The following ITGB5 variants were observed in gnomAD, a reference collection of about 807,000 sequenced individuals.
ITGB5 encodes integrin subunit beta 5, also known as integrin beta-5.
Under a neutral mutation model 84.8 loss-of-function variants are expected in ITGB5, and 38 were observed. That is an observed-to-expected ratio of 0.45 (90% CI 0.35 to 0.59). The LOEUF is 0.59. Ranked by LOEUF, ITGB5 falls within the 20% of genes least tolerant of loss-of-function variation. ITGB5 has a pLI of 0.01. For synonymous variants in ITGB5, 393 were observed against 414.4 expected (o/e 0.95, Z 0.63); for missense variants, 905 against 1,034.5 (o/e 0.87, Z 1.72).
chr3:124,855,732 T>C (rs2065214194), intron 3 of ITGB5, among the ~76,000 whole-genome samples: 1 of 152,076 alleles, frequency 6.6e-6, no homozygotes, highest in South Asian at 2.1e-4. Context: ...CACGACACCT[T>C]CCGCAAGACA....
At chr3:124,888,109 G>T (rs899476566), upstream of ITGB5, among the ~76,000 whole-genome samples, 1 of 151,860 alleles carries the variant, frequency 6.6e-6, no homozygotes, top group Non-Finnish European at 1.5e-5. Flanking sequence ...AGAGATGGGG[G>T]TCTCGCTGTG....
At position 124,859,420 on chromosome 3, in the gene ITGB5, G is replaced by A. The variant is rs1207158201; in HGVS notation, c.183C>T (p.Thr61=). Reference sequence around the variant, plus strand: ...GGTTTGCCCTCAGATCACACCGAGAGGTGATGGACCGTGGGCTTCCGAAGT... The same window carrying A: ...GGTTTGCCCTCAGATCACACCGAGAAGTGATGGACCGTGGGCTTCCGAAGT... ...KEDFGSPRSI[T]SRCDLRANLV... Residue 61 remains threonine (T), a synonymous_variant, in exon 3 of 15, where the codon ACC becomes ACT. Transcript: ENST00000296181. 6.2e-7 allele frequency: 1 copy of A among 1,613,996 alleles called. No individual in the cohort carries two copies. Among genetic ancestry groups the A allele is most frequent in the African/African-American group, 1.3e-5 (1 of 74,906 alleles).
At chr3:124,835,969 G>A (rs1013361344) in intron 5 of ITGB5, among the ~76,000 whole-genome samples, 2 of 152,122 alleles carry the variant, frequency 1.3e-5, no homozygotes, top group Non-Finnish European at 2.9e-5. Context: ...CAAAGGCCTT[G>A]AGCAAAGGAG....
chr3:124,764,661 CCTT>C (rs1432218479), intron 13 of ITGB5, 104 bp from the exon 14 acceptor site: 6 of 1,139,318 alleles, frequency 5.3e-6, no homozygotes, highest in Admixed American at 2.5e-5. Flanking sequence ...CTTCCAAAGG[CCTT>C]CTCCTCGGCT....
chr3:124,819,122 A>G (rs1315965086), intron 7 of ITGB5, among the ~76,000 whole-genome samples: 2 of 152,188 alleles, frequency 1.3e-5, no homozygotes, highest in Non-Finnish European at 2.9e-5. Flanking sequence ...GTTTCTTTAG[A>G]CGGAACAGAT....
chr3:124,835,526 C>T (rs1338139255), intron 5 of ITGB5, among the ~76,000 whole-genome samples: 1 of 152,210 alleles, frequency 6.6e-6, no homozygotes, highest in African/African-American at 2.4e-5. Context: ...GAAGAGCAGG[C>T]AGCCTGGCGC....
chr3:124,841,697 G>T, intron 4 of ITGB5, 146 bp from the exon 5 acceptor site: 1 of 703,826 alleles, frequency 1.4e-6, no homozygotes, highest in Non-Finnish European at 2.3e-6. Context: ...GCACAGCAGA[G>T]AGAGCAAAGA....
At chr3:124,827,058 C>T (rs1254480515) in intron 5 of ITGB5, among the ~76,000 whole-genome samples, 1 of 152,072 alleles carries the variant, frequency 6.6e-6, no homozygotes, top group Non-Finnish European at 1.5e-5. Flanking sequence ...TTCTGTATTC[C>T]ACGTTTGGGG....
intron 2 of ITGB5, among the ~76,000 whole-genome samples, chr3:124,871,179 C>T (rs575263914): frequency 1.1e-4 from 17 of 151,996 alleles, no homozygotes; most frequent in South Asian, 8.3e-4. Context: ...GTGTGAGCCA[C>T]TGCACACCAG....
In ITGB5 at chr3:124,763,544, C is replaced by T. The variant is rs897627389; in HGVS notation, c.*79G>A. 17 of 848,896 alleles carry T rather than the reference C, an allele frequency of 2.0e-5. No individual in the cohort carries two copies. In the African/African-American group the frequency reaches 2.8e-4, roughly 14 times the overall value. The allele number at this position is 848,896 out of a possible 1,614,324, so 52.6% of individuals were successfully genotyped here. Reference sequence around the variant, plus strand: ...TGGTGCCTACCTAGGGAGCTGTGATCAAGCCGAGCAGCCGTGCAAGGCGTT... The same window carrying T: ...TGGTGCCTACCTAGGGAGCTGTGATTAAGCCGAGCAGCCGTGCAAGGCGTT... On this transcript the variant is annotated 3_prime_UTR_variant, in exon 15 of 15. Transcript: ENST00000296181.
chr3:124,880,478 A>T (rs548727162), intron 1 of ITGB5, among the ~76,000 whole-genome samples: 1 of 152,294 alleles, frequency 6.6e-6, no homozygotes, highest in African/African-American at 2.4e-5. Context: ...GGCCAGGCAC[A>T]CTGGCTCACT....
intron 1 of ITGB5, chr3:124,878,679 G>C (rs1359708076): frequency 6.6e-6 from 1 of 152,180 alleles, no homozygotes; most frequent in Non-Finnish European, 1.5e-5. Flanking sequence ...CAAAACCACA[G>C]GCTGTGTGCT....
rs74908518 is a variant in ITGB5, at chr3:124,876,541, C to T, written c.71-3010G>A. On this transcript the variant is annotated intron_variant, in intron 1 of 14. Transcript: ENST00000296181. ...AGGGGAAGGAAGCTTTATCATGTCA[C>T]CCCAGGGACTTTAGAAGGAAGAAAT... Among the ~76,000 whole-genome samples the T allele has an allele frequency of 4.3e-4, 66 of 152,180 alleles. No individual in the cohort carries two copies. In the East Asian group the frequency reaches 6.4e-3, roughly 15 times the overall value.
intron 11 of ITGB5, among the ~76,000 whole-genome samples, chr3:124,772,755 C>T (rs1008691264): frequency 1.3e-5 from 2 of 152,078 alleles, no homozygotes; most frequent in African/African-American, 2.4e-5. Flanking sequence ...GCCGAGTCAG[C>T]GAAGGCTGGG....
At chr3:124,778,022 T>C (rs2089982) in intron 10 of ITGB5, among the ~76,000 whole-genome samples, 1,998 of 152,268 alleles carry the variant, frequency 0.013, 22 homozygotes, top group South Asian at 0.044. Flanking sequence ...ATCATGGGGA[T>C]TGGGAACAAC....
chr3:124,843,128 G>A (rs1579283249), intron 4 of ITGB5, among the ~76,000 whole-genome samples: 3 of 152,142 alleles, frequency 2.0e-5, no homozygotes, highest in African/African-American at 7.2e-5. Flanking sequence ...CCTCAGCCTC[G>A]GGCCACCCAA....
intron 9 of ITGB5, among the ~76,000 whole-genome samples, chr3:124,798,343 G>A (rs191022483): frequency 5.9e-5 from 9 of 152,090 alleles, no homozygotes; most frequent in Non-Finnish European, 1.2e-4. Flanking sequence ...GAGCTACTGC[G>A]CCCAGTCATT....
At chr3:124,900,709 C>T (rs1462693337) in intron 1 of ITGB5, among the ~76,000 whole-genome samples, 1 of 152,152 alleles carries the variant, frequency 6.6e-6, no homozygotes, top group Non-Finnish European at 1.5e-5. Context: ...CTCGGAGAAC[C>T]CTCAGGGAAA....
intron 3 of ITGB5, among the ~76,000 whole-genome samples, chr3:124,849,471 A>C (rs977898799): frequency 3.3e-5 from 5 of 152,212 alleles, no homozygotes; most frequent in Non-Finnish European, 7.3e-5. Flanking sequence ...CTCGCCATTT[A>C]CCAGACTAGT....
Sources: allele counts gnomAD v4.1 joint callset (sites outside exome capture counted in the v4.1 genomes callset), GRCh38; gene constraint gnomAD v4.1.1; transcripts MANE v1.5; gene names NCBI Gene and HGNC (gene_info 2026-07-23, HGNC 2026-07-21).